PMEPA1: variants seen among roughly 807,000 people sequenced by gnomAD.
PMEPA1 encodes protein TMEPAI.
PMEPA1 carries 11 observed loss-of-function variants against 23.0 expected under a neutral mutation model. The observed-to-expected ratio is 0.48, with a 90% confidence interval of 0.30 to 0.79. The LOEUF is 0.79. PMEPA1 is among the 30% of genes least tolerant of loss of function. The pLI is 0.06. For synonymous variants in PMEPA1, 204 were observed against 166.4 expected (o/e 1.23, Z -1.74); for missense variants, 377 against 390.9 (o/e 0.96, Z 0.30).
At position 57,689,097 on chromosome 20, in the gene PMEPA1, T is replaced by C. The variant is rs181854868; in HGVS notation, c.109+20377A>G. 1.8e-4 allele frequency among the ~76,000 whole-genome samples: 27 copies of C among 152,300 alleles called. No homozygotes were observed. In the East Asian group the frequency reaches 5.0e-3, roughly 28 times the overall value. Reference sequence around the variant, plus strand: ...TGGGCCCGAGTGGGCGTCAGCTTGATTGGGTTTCAAAACGCGTTTCTGTTT... The same window carrying C: ...TGGGCCCGAGTGGGCGTCAGCTTGACTGGGTTTCAAAACGCGTTTCTGTTT... On this transcript the variant is annotated intron_variant, in intron 1 of 3. Transcript: ENST00000341744.
rs2071746902 is a variant in PMEPA1 at position 57,683,392 on chromosome 20, C to T, written c.110-23695G>A. ...TTCCTTTAATTACTCCAGGAAAGAC[C>T]CAATTACAGCGCAGACGCATCTGCC... is the stretch of plus-strand genomic sequence containing the variant. On this transcript the variant is annotated intron_variant, in intron 1 of 3. Coordinates refer to ENST00000341744, the MANE Select transcript of PMEPA1 (RefSeq NM_020182.5). The surrounding 1 kb of genome is among the most constrained non-coding windows in gnomAD (Gnocchi z 4.3). Among the ~76,000 whole-genome samples, 1 of 152,058 alleles carries T rather than the reference C, an allele frequency of 6.6e-6. No homozygotes were observed. The highest frequency in any genetic ancestry group is 2.1e-4 in the South Asian group (1 of 4,806).
rs546397966 is a variant in PMEPA1 at position 57,709,536 on chromosome 20, CCGGCGG to C, written c.41_46del (p.Ala14_Ala15del). 1.6e-5 allele frequency: 18 copies of C among 1,118,632 alleles called. No homozygotes were observed. Among genetic ancestry groups the C allele is most frequent in the Admixed American group, 1.1e-4 (3 of 27,044 alleles). 69.3% of individuals were successfully genotyped at this position (1,118,632 alleles called of 1,614,324 possible). A position where few individuals can be genotyped will look rare whatever the true frequency, so the allele number is the denominator to read the frequency against. On this transcript the variant is annotated inframe_deletion, in exon 1 of 4. Transcript: ENST00000341744. ...GCACGTGCAGGAGACATTGGGCTGCCCGGCGGCGGCGGCGGCGGTGCTGTTGACCCC... is the reference window on the plus strand; with the variant it reads ...GCACGTGCAGGAGACATTGGGCTGCCCGGCGGCGGCGGTGCTGTTGACCCC...
At chr20:57,706,644 T>C (rs2072093938) in intron 1 of PMEPA1, among the ~76,000 whole-genome samples, 1 of 152,048 alleles carries the variant, frequency 6.6e-6, no homozygotes, top group African/African-American at 2.4e-5. Context: ...GCTCTGACAA[T>C]TTCCCCCAGC....
intron 1 of PMEPA1, among the ~76,000 whole-genome samples, chr20:57,684,466 C>T (rs888845575): frequency 3.0e-4 from 45 of 152,134 alleles, no homozygotes; most frequent in African/African-American, 1.0e-3. Context: ...CTCTGAGAAC[C>T]GCCCCCACCA....
chr20:57,710,454 G>A, upstream of PMEPA1: 1 of 1,607,252 alleles, frequency 6.2e-7, no homozygotes, highest in Non-Finnish European at 8.5e-7. Context: ...CCCCAAGATG[G>A]ATCACCCATT....
chr20:57,696,508 T>C (rs1358204874), intron 1 of PMEPA1, among the ~76,000 whole-genome samples: 2 of 152,150 alleles, frequency 1.3e-5, no homozygotes, highest in African/African-American at 4.8e-5. Context: ...CTCCATGCGA[T>C]GGGGTTGCCA....
intron 1 of PMEPA1, among the ~76,000 whole-genome samples, chr20:57,668,350 A>C (rs1365594342): frequency 2.6e-5 from 4 of 152,232 alleles, no homozygotes; most frequent in Non-Finnish European, 5.9e-5. Flanking sequence ...TGTGACCTTC[A>C]GTAAATCTCC....
rs189913961 is a variant in PMEPA1 at position 57,656,050 on chromosome 20, T to C, written c.265-2964A>G. On this transcript the variant is annotated intron_variant, in intron 2 of 3. Coordinates refer to ENST00000341744, the MANE Select transcript of PMEPA1 (RefSeq NM_020182.5). This position sits in a 1 kb window ranked among gnomAD's most constrained non-coding sequence, Gnocchi z 4.7. ...GTCTTAACACCACGAGGCCAGAACG[T>C]AGCTGCCCATTCTTCCCCTGGAGTC... Among the ~76,000 whole-genome samples the C allele has an allele frequency of 6.0e-4, 91 of 152,136 alleles. No individual in the cohort carries two copies. Among genetic ancestry groups the C allele is most frequent in the Admixed American group, 1.3e-3 (20 of 15,302 alleles).
At chr20:57,710,504 G>A (rs568446012), upstream of PMEPA1, 5 of 1,600,342 alleles carry the variant, frequency 3.1e-6, no homozygotes, top group East Asian at 9.2e-5. Context: ...CAGTTCTCCA[G>A]CAGCTCGGGG....
chr20:57,693,296 C>T (rs1200710866), intron 1 of PMEPA1, among the ~76,000 whole-genome samples: 2 of 152,258 alleles, frequency 1.3e-5, no homozygotes, highest in Non-Finnish European at 2.9e-5. Flanking sequence ...AAGTGCCCTC[C>T]CTGCCCCACA....
At position 57,650,921 on chromosome 20, in the gene PMEPA1, G is replaced by A. The variant is rs1395477609; in HGVS notation, c.*1132C>T. On this transcript the variant is annotated 3_prime_UTR_variant, in exon 4 of 4. Transcript: ENST00000341744. ...TTTAGCCAGCTGAACAACCACCAAA[G>A]CGCCCTGCAGAGACAAGTCATCGAG... The A allele has an allele frequency of 6.6e-6, 1 of 152,220 alleles. No individual in the cohort carries two copies. Among genetic ancestry groups the A allele is most frequent in the Non-Finnish European group, 1.5e-5 (1 of 68,056 alleles). 9.4% of individuals were successfully genotyped at this position (152,220 alleles called of 1,614,324 possible).
intron 1 of PMEPA1, among the ~76,000 whole-genome samples, chr20:57,670,291 G>C (rs1185924258): frequency 6.6e-6 from 1 of 152,180 alleles, no homozygotes; most frequent in Non-Finnish European, 1.5e-5. Context: ...GGCCACTCCA[G>C]GGAGGAAGGT....
intron 1 of PMEPA1, among the ~76,000 whole-genome samples, chr20:57,701,251 T>A (rs2072007578): frequency 6.6e-6 from 1 of 151,996 alleles, no homozygotes; most frequent in Non-Finnish European, 1.5e-5. Context: ...CGAAGTTGAG[T>A]CACAATAGCT....
At chr20:57,664,227 A>T (rs2071461811) in intron 1 of PMEPA1, among the ~76,000 whole-genome samples, 1 of 151,010 alleles carries the variant, frequency 6.6e-6, no homozygotes, top group South Asian at 2.1e-4. Context: ...TGGTCCCGGG[A>T]CTCACCTGGC....
chr20:57,659,434 C>T lies in PMEPA1; in HGVS notation c.264+109G>A. The T allele has an allele frequency of 4.1e-6, 5 of 1,231,418 alleles. No individual in the cohort carries two copies. The South Asian group carries it at 4.4e-5, about 11-fold the overall frequency. The allele number at this position is 1,231,418 out of a possible 1,614,324, so 76.3% of individuals were successfully genotyped here. ...GGGCTCCCCAGCCCCTGTCTTCCTGCCCTGAATCTGTTTCCTGCAAACGCT... is the reference window on the plus strand; with the variant it reads ...GGGCTCCCCAGCCCCTGTCTTCCTGTCCTGAATCTGTTTCCTGCAAACGCT... On this transcript the variant is annotated intron_variant, in intron 2 of 3. Coordinates refer to ENST00000341744, the MANE Select transcript of PMEPA1 (RefSeq NM_020182.5).
At position 57,655,904 on chromosome 20, in the gene PMEPA1, C is replaced by T. The variant is rs73302921; in HGVS notation, c.265-2818G>A. 6.7e-3 allele frequency among the ~76,000 whole-genome samples: 1,013 copies of T among 152,224 alleles called. 11 individuals carry two copies. The highest frequency in any genetic ancestry group is 0.023 in the African/African-American group (975 of 41,546). Reference sequence around the variant, plus strand: ...ACTGAACCCTGCTGCTACAGCCAAGCGCAGCTATGGGCAAAACGCACTCGA... The same window carrying T: ...ACTGAACCCTGCTGCTACAGCCAAGTGCAGCTATGGGCAAAACGCACTCGA... On this transcript the variant is annotated intron_variant, in intron 2 of 3. Coordinates refer to ENST00000341744, the MANE Select transcript of PMEPA1 (RefSeq NM_020182.5). The surrounding 1 kb of genome is among the most constrained non-coding windows in gnomAD (Gnocchi z 4.2).
At chr20:57,669,041 T>C (rs2071531650) in intron 1 of PMEPA1, among the ~76,000 whole-genome samples, 1 of 152,204 alleles carries the variant, frequency 6.6e-6, no homozygotes, top group Non-Finnish European at 1.5e-5. Flanking sequence ...CTCTGGAATA[T>C]CAGTGGCTCA....
At chr20:57,661,166 T>C (rs1409863430) in intron 1 of PMEPA1, among the ~76,000 whole-genome samples, 1 of 152,238 alleles carries the variant, frequency 6.6e-6, no homozygotes, top group African/African-American at 2.4e-5. Flanking sequence ...TTGATTTGTT[T>C]TTCCCCTAGA....
rs1311015859 is a variant in PMEPA1 at position 57,709,891 on chromosome 20, C to A, written c.-309G>T. On this transcript the variant is annotated 5_prime_UTR_variant, in exon 1 of 4. Coordinates refer to ENST00000341744, the MANE Select transcript of PMEPA1 (RefSeq NM_020182.5). ...GCTGCCGCCGGGGCTGAGCCTCTGCCGCTAGCTTTCCCCAGCCGAGCGCCT... is the reference window on the plus strand; with the variant it reads ...GCTGCCGCCGGGGCTGAGCCTCTGCAGCTAGCTTTCCCCAGCCGAGCGCCT... The A allele has an allele frequency of 5.0e-6, 5 of 1,006,960 alleles. No individual in the cohort carries two copies. In the African/African-American group the frequency reaches 7.0e-5, roughly 14 times the overall value. 62.4% of individuals were successfully genotyped at this position (1,006,960 alleles called of 1,614,324 possible).
Sources: gnomAD v4.1 joint callset for allele counts (sites outside exome capture counted in the v4.1 genomes callset) on GRCh38, gnomAD v4.1.1 for gene constraint, Gnocchi (gnomAD v3.1) non-coding constraint, MANE v1.5 for transcripts, NCBI Gene and HGNC (gene_info 2026-07-23, HGNC 2026-07-21) for gene names.